Variants in SBK1 observed in about 807,000 individuals in gnomAD.
The protein encoded by SBK1 is serine/threonine-protein kinase SBK1.
SBK1 carries 11 observed loss-of-function variants against 24.4 expected under a neutral mutation model. The observed-to-expected ratio is 0.45, with a 90% CI of 0.28 to 0.75. SBK1 has a LOEUF of 0.75. SBK1 is among the 30% of genes least tolerant of loss of function. SBK1 has a pLI of 0.12. For synonymous variants in SBK1, 308 were observed against 284.4 expected, an observed-to-expected ratio of 1.08 and a Z score of -0.83; for missense variants, 467 against 620.5, an observed-to-expected ratio of 0.75 and a Z score of 2.63.
At position 28,292,687 on chromosome 16, in the gene SBK1, G is replaced by T; in HGVS notation, c.-621G>T. ...GGCGACCGAGCCCCCCAGCGGCTGA[G>T]GGGCTTCCAGCGCCCGCCGGTGGCC... On this transcript the variant is annotated 5_prime_UTR_variant, in exon 1 of 4. It adds an upstream start codon to the 5' untranslated region. Coordinates refer to ENST00000341901, the MANE Select transcript of SBK1 (RefSeq NM_001024401.3). 1 of 984,468 alleles carries T rather than the reference G, an allele frequency of 1.0e-6. No homozygotes were observed. Among genetic ancestry groups the T allele is most frequent in the Non-Finnish European group, 1.2e-6 (1 of 829,430 alleles). The allele number at this position is 984,468 out of a possible 1,614,324, so 61.0% of individuals were successfully genotyped here.
At chr16:28,281,696 T>A (rs971299360) in intron 1 of SBK1, among the ~76,000 whole-genome samples, 3 of 152,124 alleles carry the variant, frequency 2.0e-5, no homozygotes, top group Admixed American at 2.0e-4. Context: ...GTCCACACCC[T>A]TGGGGTGGTA....
intron 1 of SBK1, among the ~76,000 whole-genome samples, chr16:28,308,716 G>A (rs2044733173): frequency 6.6e-6 from 1 of 150,512 alleles, no homozygotes; most frequent in African/African-American, 2.4e-5. Context: ...ACAGGCACAA[G>A]CTATCGTGCC....
At chr16:28,315,929 C>T (rs1434414093) in intron 1 of SBK1, among the ~76,000 whole-genome samples, 1 of 152,242 alleles carries the variant, frequency 6.6e-6, no homozygotes, top group East Asian at 1.9e-4. Flanking sequence ...CCATGCCCAA[C>T]TAATTTTTGT....
At chr16:28,267,361 A>G (rs1043453769) in intron 1 of SBK1, among the ~76,000 whole-genome samples, 2 of 152,206 alleles carry the variant, frequency 1.3e-5, no homozygotes, top group Admixed American at 6.5e-5. Context: ...TTCGTGGCGT[A>G]TCACTTTCTC....
chr16:28,320,490 C>A lies in SBK1; in HGVS notation c.844C>A (p.Arg282Ser). 1 of 1,572,260 alleles carries A rather than the reference C, an allele frequency of 6.4e-7. No homozygotes were observed. The highest frequency in any genetic ancestry group is 1.1e-5 in the South Asian group (1 of 89,328). ...CCTGCCGGGGCTGCCTTCGCAGTGG[C>A]GCCGCTTCACCGAGCCCGCGCTGCG... ...GRLPGLPSQW[R>S]RFTEPALRMF... The change falls in exon 4 of 4, where the codon CGC (arginine) becomes AGC (serine). Residue 282 changes from arginine to serine, a missense_variant. Physicochemically the swap from Arg to Ser is moderately radical, Grantham distance 110 (BLOSUM62 -1). Coordinates refer to ENST00000341901, the MANE Select transcript of SBK1 (RefSeq NM_001024401.3). The surrounding 1 kb of genome is among the most constrained non-coding windows in gnomAD (Gnocchi z 8.5).
At chr16:28,293,880 T>G (rs2044620352) in intron 1 of SBK1, among the ~76,000 whole-genome samples, 1 of 152,168 alleles carries the variant, frequency 6.6e-6, no homozygotes, top group Non-Finnish European at 1.5e-5. Flanking sequence ...TGGCGGTCTT[T>G]ACCTAAACCA....
At chr16:28,314,003 T>TGAC (rs1312530607) in intron 1 of SBK1, among the ~76,000 whole-genome samples, 18 of 121,600 alleles carry the variant, frequency 1.5e-4, no homozygotes, top group African/African-American at 5.7e-4. Context: ...CCGGTGATGA[T>TGAC]GACGAGAACA....
intron 1 of SBK1, among the ~76,000 whole-genome samples, chr16:28,294,260 C>T (rs1421915130): frequency 1.3e-5 from 2 of 152,136 alleles, no homozygotes; most frequent in East Asian, 3.9e-4. Context: ...ACCCTGAAAT[C>T]CTGAATCAGA....
intron 1 of SBK1, among the ~76,000 whole-genome samples, chr16:28,271,156 C>A (rs1036528390): frequency 1.3e-5 from 2 of 152,262 alleles, no homozygotes; most frequent in African/African-American, 4.8e-5. Flanking sequence ...AGCCACTGCA[C>A]CCGGCCTACG....
At chr16:28,266,862 C>T (rs947948424) in intron 1 of SBK1, among the ~76,000 whole-genome samples, 2 of 151,736 alleles carry the variant, frequency 1.3e-5, no homozygotes, top group Admixed American at 1.3e-4. Context: ...CTCCTTAGTC[C>T]CCCAAGTAGC....
chr16:28,262,218 T>C (rs1272243090), intron 1 of SBK1, among the ~76,000 whole-genome samples: 1 of 152,070 alleles, frequency 6.6e-6, no homozygotes, highest in Non-Finnish European at 1.5e-5. Flanking sequence ...GAGAAATCTG[T>C]GGCTGCCCCC....
intron 1 of SBK1, among the ~76,000 whole-genome samples, chr16:28,315,906 C>T (rs7203028): frequency 0.55 from 84,009 of 151,964 alleles, 25,617 homozygotes; most frequent in South Asian, 0.76. Context: ...GCTGGGATTA[C>T]AGGCGTGCAT....
At chr16:28,262,646 GCCCT>G (rs2044404617) in intron 1 of SBK1, among the ~76,000 whole-genome samples, 1 of 152,190 alleles carries the variant, frequency 6.6e-6, no homozygotes, top group East Asian at 1.9e-4. Context: ...TGAGCACTGT[GCCCT>G]CGGCTTCTGT....
chr16:28,265,362 C>A (rs1440750306), intron 1 of SBK1, among the ~76,000 whole-genome samples: 1 of 151,940 alleles, frequency 6.6e-6, no homozygotes. Context: ...GAGGTTACAC[C>A]GAGCCATGAT....
intron 1 of SBK1, among the ~76,000 whole-genome samples, chr16:28,278,155 C>T (rs1597013116): frequency 1.3e-5 from 2 of 152,384 alleles, no homozygotes. Flanking sequence ...GGGGAGGCTT[C>T]GCCATGGCCT....
chr16:28,292,433 G>A, upstream of SBK1: 1 of 679,240 alleles, frequency 1.5e-6, no homozygotes, highest in Non-Finnish European at 1.8e-6. Context: ...CGCCGAGCGG[G>A]ACGGACAAAG....
chr16:28,271,187 A>G (rs12445896), intron 1 of SBK1, among the ~76,000 whole-genome samples: 9,435 of 152,200 alleles, frequency 0.062, 578 homozygotes, highest in Admixed American at 0.19. Flanking sequence ...TGAGAAAGCT[A>G]CTGGAGGATG....
At chr16:28,293,945 G>T (rs2044620942) in intron 1 of SBK1, among the ~76,000 whole-genome samples, 2 of 152,174 alleles carry the variant, frequency 1.3e-5, no homozygotes, top group African/African-American at 4.8e-5. Context: ...AAAGTGAGGC[G>T]CTAGTTTCTG....
intron 1 of SBK1, among the ~76,000 whole-genome samples, chr16:28,299,016 G>A (rs1189737952): frequency 6.6e-6 from 1 of 152,230 alleles, no homozygotes; most frequent in Non-Finnish European, 1.5e-5. Context: ...CTTGCAGAGA[G>A]GAGACTTTTC....
Sources: allele counts gnomAD v4.1 joint callset (sites outside exome capture counted in the v4.1 genomes callset), GRCh38; gene constraint gnomAD v4.1.1; non-coding constraint Gnocchi (gnomAD v3.1); transcripts MANE v1.5; gene names NCBI Gene and HGNC (gene_info 2026-07-23, HGNC 2026-07-21).